KLHL6: variants seen among roughly 807,000 people sequenced by gnomAD.
KLHL6 encodes kelch like family member 6.
A neutral mutation model predicts 58.6 loss-of-function variants in KLHL6; 41 were observed. That is an observed-to-expected ratio of 0.70 (90% CI 0.55 to 0.91). The LOEUF is 0.91. KLHL6 is among the 40% of genes least tolerant of loss of function. KLHL6 has a pLI of 0.00. For missense variants in KLHL6, 714 were observed against 805.6 expected, an observed-to-expected ratio of 0.89 and a Z score of 1.38; for synonymous variants, 338 against 322.7, an observed-to-expected ratio of 1.05 and a Z score of -0.51.
intron 1 of KLHL6, among the ~76,000 whole-genome samples, chr3:183,552,799 A>G (rs1349429204): frequency 6.6e-6 from 1 of 151,866 alleles, no homozygotes; most frequent in Non-Finnish European, 1.5e-5. Context: ...CATACGAAGA[A>G]CCCCTTTCAA....
intron 2 of KLHL6, among the ~76,000 whole-genome samples, chr3:183,525,900 T>C (rs983585114): frequency 1.3e-5 from 2 of 152,222 alleles, no homozygotes; most frequent in Non-Finnish European, 2.9e-5. Flanking sequence ...ATATAGAGAC[T>C]GCTATATGCA....
intron 2 of KLHL6, chr3:183,520,512 T>G (rs1711721335): frequency 6.6e-6 from 1 of 151,560 alleles, no homozygotes. Context: ...CACTGGTCTC[T>G]GAGTTTCCTT....
rs761369667 is a variant in KLHL6, at chr3:183,494,163, C to T, written c.1266G>A (p.Lys422=). Residue 422 remains lysine, a synonymous_variant, in exon 5 of 7, where the codon AAG becomes AAA. Transcript: ENST00000341319. ...WRHKMVVLGG[K]VYVIGGFDGL... is the part of the protein sequence containing the mutation. ...CGTCAAAGCCTCCGATCACATAGAC[C>T]TTGCCACCCAACACCACCATCTTAT... 6.2e-7 allele frequency: 1 copy of T among 1,614,194 alleles called. No individual in the cohort carries two copies. The highest frequency in any genetic ancestry group is 2.2e-5 in the East Asian group (1 of 44,886).
At chr3:183,515,593 C>T (rs1007801478) in intron 2 of KLHL6, among the ~76,000 whole-genome samples, 28 of 152,178 alleles carry the variant, frequency 1.8e-4, no homozygotes, top group Middle Eastern at 6.8e-3. Flanking sequence ...TAGAGAAATC[C>T]TACCTATTCA....
intron 2 of KLHL6, chr3:183,520,651 G>A (rs1711727191): frequency 6.6e-6 from 1 of 151,982 alleles, no homozygotes; most frequent in Non-Finnish European, 1.5e-5. Flanking sequence ...TAAGTTTAAG[G>A]AAAGGTGCTG....
chr3:183,542,060 G>A (rs75907204), intron 1 of KLHL6, among the ~76,000 whole-genome samples: 1,729 of 152,002 alleles, frequency 0.011, 30 homozygotes, highest in African/African-American at 0.037. Flanking sequence ...TCTGTGGTCC[G>A]GCTGCCCTGC....
chr3:183,555,670 C>T lies in KLHL6; in HGVS notation c.-17G>A. 2 of 1,562,642 alleles carry T rather than the reference C, an allele frequency of 1.3e-6. No individual in the cohort carries two copies. Among genetic ancestry groups the T allele is most frequent in the Non-Finnish European group, 8.6e-7 (1 of 1,157,052 alleles). ...CATCAACATCGAGACTGAAGGAGCG[C>T]CCAAGTGTCAGGCAGGCCCCATTGC... On this transcript the variant is annotated 5_prime_UTR_variant, in exon 1 of 7. Coordinates refer to ENST00000341319, the MANE Select transcript of KLHL6 (RefSeq NM_130446.4).
intron 2 of KLHL6, among the ~76,000 whole-genome samples, chr3:183,515,408 T>C (rs1213991133): frequency 6.6e-6 from 1 of 152,160 alleles, no homozygotes. Context: ...ATTAGCCTGT[T>C]GTGGTGTTGC....
intron 2 of KLHL6, among the ~76,000 whole-genome samples, chr3:183,524,209 G>A (rs1711870228): frequency 6.6e-6 from 1 of 152,086 alleles, no homozygotes; most frequent in Non-Finnish European, 1.5e-5. Flanking sequence ...CCATAGTTTG[G>A]GGCTGGCTTG....
intron 1 of KLHL6, chr3:183,548,703 T>C (rs2108698856): frequency 6.6e-6 from 1 of 152,324 alleles, no homozygotes; most frequent in African/African-American, 2.4e-5. Flanking sequence ...ATGTAGATGT[T>C]GTAATCCTGA....
intron 2 of KLHL6, among the ~76,000 whole-genome samples, chr3:183,525,907 T>G (rs750449806): frequency 6.6e-6 from 1 of 152,194 alleles, no homozygotes; most frequent in Non-Finnish European, 1.5e-5. Flanking sequence ...GACTGCTATA[T>G]GCATGGAATA....
intron 2 of KLHL6, among the ~76,000 whole-genome samples, chr3:183,509,924 A>G (rs1294221725): frequency 2.0e-5 from 3 of 152,166 alleles, no homozygotes; most frequent in Non-Finnish European, 4.4e-5. Flanking sequence ...TTATTTATTT[A>G]TATATCCTTT....
chr3:183,533,205 C>G (rs1560106503), intron 1 of KLHL6, among the ~76,000 whole-genome samples: 2 of 152,174 alleles, frequency 1.3e-5, no homozygotes, highest in Admixed American at 6.5e-5. Context: ...CCTGCCCCTC[C>G]TCTCTATCCC....
intron 2 of KLHL6, among the ~76,000 whole-genome samples, chr3:183,518,121 A>T (rs544217427): frequency 6.6e-6 from 1 of 152,178 alleles, no homozygotes; most frequent in South Asian, 2.1e-4. Context: ...GGTTTGCCCA[A>T]TGGCCTGGAG....
At chr3:183,502,945 C>T (rs1260235518) in intron 3 of KLHL6, among the ~76,000 whole-genome samples, 1 of 152,214 alleles carries the variant, frequency 6.6e-6, no homozygotes, top group East Asian at 1.9e-4. Context: ...TATAATTCAG[C>T]ACCACGGAGC....
Position 183,489,472 on chromosome 3 carries a change from T to C in KLHL6, c.*2455A>G, listed in dbSNP as rs1400922856. Reference sequence around the variant, plus strand: ...TTGAAGAAAATAAAAACAAGAATATTAACTGGTGGCCTATTTACCTGTATT... The same window carrying C: ...TTGAAGAAAATAAAAACAAGAATATCAACTGGTGGCCTATTTACCTGTATT... On this transcript the variant is annotated 3_prime_UTR_variant, in exon 7 of 7. Coordinates refer to ENST00000341319, the MANE Select transcript of KLHL6 (RefSeq NM_130446.4). 2 of 152,182 alleles carry C rather than the reference T, an allele frequency of 1.3e-5. No individual in the cohort carries two copies. 9.4% of individuals were successfully genotyped at this position (152,182 alleles called of 1,614,324 possible).
At chr3:183,527,364 A>G (rs1380352336) in intron 2 of KLHL6, among the ~76,000 whole-genome samples, 1 of 152,252 alleles carries the variant, frequency 6.6e-6, no homozygotes, top group Non-Finnish European at 1.5e-5. Context: ...ATTACAAAAG[A>G]TTATAGTCTT....
intron 1 of KLHL6, among the ~76,000 whole-genome samples, chr3:183,539,270 T>C (rs1712471099): frequency 6.6e-6 from 1 of 152,170 alleles, no homozygotes; most frequent in Non-Finnish European, 1.5e-5. Context: ...GACACAGCCT[T>C]CCTAGAATTC....
chr3:183,534,082 G>GTACTTTACTTTTAAAGTACTT (rs1332867621), intron 1 of KLHL6, among the ~76,000 whole-genome samples: 1 of 130,210 alleles, frequency 7.7e-6, no homozygotes, highest in African/African-American at 2.9e-5. Context: ...GCCTTTAAAA[G>GTACTTTACTTTTAAAGTACTT]TACTTTACTT....
Sources: gnomAD v4.1 joint callset for allele counts (sites outside exome capture counted in the v4.1 genomes callset) on GRCh38, gnomAD v4.1.1 for gene constraint, MANE v1.5 for transcripts, NCBI Gene and HGNC (gene_info 2026-07-23, HGNC 2026-07-21) for gene names.